EPHA10: variants seen among roughly 807,000 people sequenced by gnomAD.
EPHA10 encodes EPH receptor A10.
Under a neutral mutation model 109.7 loss-of-function variants are expected in EPHA10, and 120 were observed. The ratio of observed to expected loss-of-function variants is 1.09; its 90% CI spans 0.94 to 1.27. The LOEUF is 1.27. EPHA10 is among the 50% of genes most tolerant of loss of function. The probability of loss-of-function intolerance (pLI) is 0.00; values close to 1 mark genes in which losing one functional copy is unlikely to be tolerated. For synonymous variants in EPHA10, 640 were observed against 618.9 expected (o/e 1.03, Z -0.51); for missense variants, 1,396 against 1,411.1 (o/e 0.99, Z 0.17).
rs564773091 is a variant in EPHA10, at chr1:37,754,486, G to T, written c.851-116C>A. 2 of 1,017,572 alleles carry T rather than the reference G, an allele frequency of 2.0e-6. No homozygotes were observed. The highest frequency in any genetic ancestry group is 4.6e-5 in the South Asian group (1 of 21,506). The allele number at this position is 1,017,572 out of a possible 1,614,324, so 63.0% of individuals were successfully genotyped here. ...AATTGCGATAGAAAAACAGTCAGGG[G>T]ACTCAGCCACTCCAGTCAGCACTGC... On this transcript the variant is annotated intron_variant, in intron 3 of 16. Coordinates refer to ENST00000373048, the MANE Select transcript of EPHA10 (RefSeq NM_001099439.2). This position sits in a 1 kb window ranked among gnomAD's most constrained non-coding sequence, Gnocchi z 4.5.
chr1:37,761,141 GAGA>G (rs1646426383), intron 3 of EPHA10: 1 of 1,256,870 alleles, frequency 8.0e-7, no homozygotes, highest in Non-Finnish European at 1.0e-6. Flanking sequence ...ATAAATAAAC[GAGA>G]AGGCCTGTGC....
At chr1:37,733,840 C>T (rs1646027939) in intron 6 of EPHA10, among the ~76,000 whole-genome samples, 1 of 152,058 alleles carries the variant, frequency 6.6e-6, no homozygotes, top group Non-Finnish European at 1.5e-5. Context: ...CCAAGCCAGG[C>T]CTCTCCCTTA....
In EPHA10 at chr1:37,718,202, G is replaced by A; in HGVS notation, c.*170C>T. On this transcript the variant is annotated 3_prime_UTR_variant, in exon 17 of 17. Transcript: ENST00000373048. ...AAGGCGTTCAGACTCGTGAAAATGGGAGGGGCAGGCAGTGAAAGCGGGGAA... is the reference window on the plus strand; with the variant it reads ...AAGGCGTTCAGACTCGTGAAAATGGAAGGGGCAGGCAGTGAAAGCGGGGAA... The A allele has an allele frequency of 3.2e-6, 2 of 625,378 alleles. No homozygotes were observed. The highest frequency in any genetic ancestry group is 5.6e-5 in the East Asian group (2 of 35,574). 38.7% of individuals were successfully genotyped at this position (625,378 alleles called of 1,614,324 possible).
At chr1:37,728,535 G>A (rs1344255488) in intron 7 of EPHA10, among the ~76,000 whole-genome samples, 3 of 152,154 alleles carry the variant, frequency 2.0e-5, no homozygotes, top group Non-Finnish European at 2.9e-5. Context: ...ACACAGGGAG[G>A]AGAAAGGTCC....
At chr1:37,757,841 A>G (rs112972190) in intron 3 of EPHA10, among the ~76,000 whole-genome samples, 2,214 of 152,122 alleles carry the variant, frequency 0.015, 56 homozygotes, top group African/African-American at 0.051. Flanking sequence ...CCTCCCTCCC[A>G]CCTTATAGGG....
At position 37,754,253 on chromosome 1, in the gene EPHA10, G is replaced by C; in HGVS notation, c.968C>G (p.Ala323Gly). 2 of 1,321,956 alleles carry C rather than the reference G, an allele frequency of 1.5e-6. No homozygotes were observed. The highest frequency in any genetic ancestry group is 1.9e-6 in the Non-Finnish European group (2 of 1,029,862). 81.9% of individuals were successfully genotyped at this position (1,321,956 alleles called of 1,614,324 possible). ...CGAGGGCGGGTCGGTGGGTGAGCGCGCATAGCTGTCCTGGCACACGCAGAA... is the reference window on the plus strand; with the variant it reads ...CGAGGGCGGGTCGGTGGGTGAGCGCCCATAGCTGTCCTGGCACACGCAGAA... ...STFCVCQDSY[A>G]RSPTDPPSAS... is the part of the protein sequence containing the mutation. Residue 323 changes from alanine (A) to glycine (G), a missense_variant, in exon 4 of 17, where the codon GCG (alanine) becomes GGG (glycine). Ala to Gly is a moderately conservative substitution (Grantham distance 60, BLOSUM62 0). Transcript: ENST00000373048. The surrounding 1 kb of genome is among the most constrained non-coding windows in gnomAD (Gnocchi z 4.5).
At position 37,719,046 on chromosome 1, in the gene EPHA10, G is replaced by A. The variant is rs4514209; in HGVS notation, c.2757-230C>T. ...GCCAGCTAAAGGTATTGGCGTATCC[G>A]GAACAGTCTGGGGTAGGACACGCCT... On this transcript the variant is annotated intron_variant, in intron 15 of 16. Coordinates refer to ENST00000373048, the MANE Select transcript of EPHA10 (RefSeq NM_001099439.2). 2,126 of 621,824 alleles carry A rather than the reference G, an allele frequency of 3.4e-3. 34 individuals are homozygous for A. Among genetic ancestry groups the A allele is most frequent in the African/African-American group, 0.033 (1,796 of 54,318 alleles). 38.5% of individuals were successfully genotyped at this position (621,824 alleles called of 1,614,324 possible).
intron 3 of EPHA10, 181 bp downstream of exon 3, chr1:37,761,224 G>A (rs1646426861): frequency 6.7e-7 from 1 of 1,484,612 alleles, no homozygotes; most frequent in Non-Finnish European, 8.9e-7. Flanking sequence ...TTCACTCATT[G>A]GCCCTGACTG....
intron 8 of EPHA10, 134 bp from the exon 9 acceptor site, chr1:37,723,506 G>A (rs924269099): frequency 2.7e-5 from 27 of 1,016,800 alleles, no homozygotes; most frequent in Non-Finnish European, 3.7e-5. Context: ...TTCTTGTCCA[G>A]CTGGTTTAAA....
At chr1:37,757,204 C>T (rs1253240710) in intron 3 of EPHA10, among the ~76,000 whole-genome samples, 1 of 152,190 alleles carries the variant, frequency 6.6e-6, no homozygotes, top group East Asian at 1.9e-4. Context: ...TTACTAATTT[C>T]TCTAGTGGCT....
At position 37,718,173 on chromosome 1, in the gene EPHA10, A is replaced by G; in HGVS notation, c.*199T>C. 2 of 583,694 alleles carry G rather than the reference A, an allele frequency of 3.4e-6. No homozygotes were observed. The highest frequency in any genetic ancestry group is 6.1e-6 in the Non-Finnish European group (2 of 328,152). 36.2% of individuals were successfully genotyped at this position (583,694 alleles called of 1,614,324 possible). ...AACCTCTTTTCAGGGGCACTGAGTT[A>G]GCCAAGGCGTTCAGACTCGTGAAAA... On this transcript the variant is annotated 3_prime_UTR_variant, in exon 17 of 17. Coordinates refer to ENST00000373048, the MANE Select transcript of EPHA10 (RefSeq NM_001099439.2).
At position 37,753,026 on chromosome 1, in the gene EPHA10, C is replaced by T; in HGVS notation, c.1207G>A (p.Ala403Thr). 1 of 1,233,078 alleles carries T rather than the reference C, an allele frequency of 8.1e-7. No individual in the cohort carries two copies. Among genetic ancestry groups the T allele is most frequent in the Non-Finnish European group, 1.0e-6 (1 of 989,976 alleles). The allele number at this position is 1,233,078 out of a possible 1,614,324, so 76.4% of individuals were successfully genotyped here. Residue 403 changes from alanine (A) to threonine (T), a missense_variant, in exon 5 of 17, where the codon GCA becomes ACA. Physicochemically the swap from Ala to Thr is moderately conservative, Grantham distance 58. Transcript: ENST00000373048. ...GTGGCGGCTCGCTCCCGCAGCCCTGCCTGGCGCGGTAGGAAGGCCACGCGC... is the reference window on the plus strand; with the variant it reads ...GTGGCGGCTCGCTCCCGCAGCCCTGTCTGGCGCGGTAGGAAGGCCACGCGC... ...GPRVAFLPRQ[A>T]GLRERAATLL...
intron 5 of EPHA10, among the ~76,000 whole-genome samples, chr1:37,739,585 A>G (rs927516812): frequency 6.7e-6 from 1 of 148,434 alleles, no homozygotes; most frequent in Non-Finnish European, 1.5e-5. Flanking sequence ...GCTACTTGGG[A>G]GGCTGAGGCA....
rs529538143 is a variant in EPHA10, at chr1:37,754,335, G to A, written c.886C>T (p.Arg296Trp). 4.3e-5 allele frequency: 56 copies of A among 1,310,212 alleles called. No homozygotes were observed. Among genetic ancestry groups the A allele is most frequent in the African/African-American group, 1.1e-4 (7 of 65,264 alleles). The allele number at this position is 1,310,212 out of a possible 1,614,324, so 81.2% of individuals were successfully genotyped here. A position where few individuals can be genotyped will look rare whatever the true frequency, so the allele number is the denominator to read the frequency against. Reference protein sequence around the residue: ...PPGFYKVSPRRPLCSPCPEHS... With the variant: ...PPGFYKVSPRWPLCSPCPEHS... ...TCTGGGCACGGTGAGCAGAGGGGCC[G>A]CCGCGGGGACACCTTGTAAAACCCT... Residue 296 changes from arginine (R) to tryptophan (W), a missense_variant, in exon 4 of 17, where the codon CGG becomes TGG. Coordinates refer to ENST00000373048, the MANE Select transcript of EPHA10 (RefSeq NM_001099439.2). This position sits in a 1 kb window ranked among gnomAD's most constrained non-coding sequence, Gnocchi z 4.5.
chr1:37,760,812 G>C (rs546950850), intron 3 of EPHA10: 2 of 185,206 alleles, frequency 1.1e-5, no homozygotes, highest in African/African-American at 2.3e-5. Context: ...GGCCAGGCAC[G>C]GTGGCTCACG....
intron 5 of EPHA10, among the ~76,000 whole-genome samples, chr1:37,740,156 C>T (rs1646131732): frequency 6.6e-6 from 1 of 152,124 alleles, no homozygotes; most frequent in Admixed American, 6.5e-5. Context: ...CTGTACTATA[C>T]ATGTGAAATG....
In EPHA10 at chr1:37,761,693, A is replaced by G; in HGVS notation, c.562T>C (p.Phe188Leu). The change falls in exon 3 of 17, where the codon TTC (phenylalanine) becomes CTC (leucine). Residue 188 changes from phenylalanine to leucine, a missense_variant. Phe to Leu is a conservative substitution (Grantham distance 22). Transcript: ENST00000373048. ...CCCACGTCCTGAAAGGCCAGGTGGA[A>G]ACCCCGCCGGCTGAGCGGTCCGATC... ...REIGPLSRRG[F>L]HLAFQDVGAC... 4 of 1,612,642 alleles carry G rather than the reference A, an allele frequency of 2.5e-6. No homozygotes were observed. Among genetic ancestry groups the G allele is most frequent in the Non-Finnish European group, 3.4e-6 (4 of 1,179,886 alleles).
chr1:37,737,053 C>G (rs1159538927), intron 5 of EPHA10, among the ~76,000 whole-genome samples: 1 of 152,134 alleles, frequency 6.6e-6, no homozygotes, highest in African/African-American at 2.4e-5. Flanking sequence ...TAATGCAATC[C>G]TATCAAAATC....
At chr1:37,737,565 A>T (rs1232420439) in intron 5 of EPHA10, among the ~76,000 whole-genome samples, 1 of 152,232 alleles carries the variant, frequency 6.6e-6, no homozygotes, top group Non-Finnish European at 1.5e-5. Context: ...CCTGCAAATG[A>T]ATGAAGTTGG....
Sources: gnomAD v4.1 joint callset for allele counts (sites outside exome capture counted in the v4.1 genomes callset) on GRCh38, gnomAD v4.1.1 for gene constraint, Gnocchi (gnomAD v3.1) non-coding constraint, MANE v1.5 for transcripts, NCBI Gene and HGNC (gene_info 2026-07-23, HGNC 2026-07-21) for gene names.